RALY: variants seen among roughly 807,000 people sequenced by gnomAD.
The protein encoded by RALY is RNA-binding protein Raly.
Under a neutral mutation model 30.7 loss-of-function variants are expected in RALY, and 15 were observed. The observed-to-expected ratio is 0.49, with a 90% CI of 0.33 to 0.75. The LOEUF (loss-of-function observed/expected upper bound fraction) is 0.75. Ranked by LOEUF, RALY falls within the 30% of genes least tolerant of loss-of-function variation. The pLI is 0.02. For missense variants in RALY, 339 were observed against 414.3 expected, an observed-to-expected ratio of 0.82 and a Z score of 1.58; for synonymous variants, 177 against 170.8, an observed-to-expected ratio of 1.04 and a Z score of -0.28.
intron 2 of RALY, among the ~76,000 whole-genome samples, chr20:34,040,362 G>GC (rs974256852): frequency 6.6e-6 from 1 of 152,150 alleles, no homozygotes; most frequent in Non-Finnish European, 1.5e-5. Context: ...TCCGCCAACA[G>GC]CCCTCTCAAT....
At chr20:34,028,279 C>T (rs1485321106) in intron 1 of RALY, among the ~76,000 whole-genome samples, 2 of 150,072 alleles carry the variant, frequency 1.3e-5, no homozygotes, top group East Asian at 2.0e-4. Context: ...GAGCAAGACC[C>T]TATCTTAAAA....
At chr20:33,998,145 G>A (rs1372154330) in intron 1 of RALY, among the ~76,000 whole-genome samples, 2 of 152,226 alleles carry the variant, frequency 1.3e-5, no homozygotes, top group Non-Finnish European at 2.9e-5. Flanking sequence ...TAGACCTGGT[G>A]CTACGCTTAG....
At chr20:34,078,454 T>C (rs1428162748) in intron 8 of RALY, 51 bp from the exon 9 acceptor site, 1 of 1,495,538 alleles carries the variant, frequency 6.7e-7, no homozygotes, top group South Asian at 1.4e-5. Context: ...AGGGCAGGAC[T>C]CAGAGCTGGC....
chr20:34,012,985 G>A (rs900824714), intron 1 of RALY, among the ~76,000 whole-genome samples: 8 of 152,118 alleles, frequency 5.3e-5, no homozygotes, highest in African/African-American at 1.9e-4. Flanking sequence ...CAGTAGAAAC[G>A]GTACTTGGAC....
chr20:34,023,735 C>T (rs1568661374), intron 1 of RALY, among the ~76,000 whole-genome samples: 1 of 152,102 alleles, frequency 6.6e-6, no homozygotes, highest in Non-Finnish European at 1.5e-5. Flanking sequence ...AAGAGCCCCA[C>T]AGTCAGTCTA....
At chr20:34,006,032 G>C (rs1440836061) in intron 1 of RALY, among the ~76,000 whole-genome samples, 1 of 152,194 alleles carries the variant, frequency 6.6e-6, no homozygotes. Flanking sequence ...TGTCAATTAT[G>C]AATAAAGATG....
rs988460518 is a variant in RALY at position 34,065,034 on chromosome 20, TA to T, written c.-9-7026del. ...TCCTTTGTTACTAAGAAATCGTTTT[TA>T]AAAAACAGGTTCCCAGAGAGGGGGC... On this transcript the variant is annotated intron_variant, in intron 2 of 9. Transcript: ENST00000246194. The T allele has an allele frequency of 2.0e-5, 3 of 152,174 alleles. No homozygotes were observed. The East Asian group carries it at 5.8e-4, about 29-fold the overall frequency. 9.4% of individuals were successfully genotyped at this position (152,174 alleles called of 1,614,324 possible). A position where few individuals can be genotyped will look rare whatever the true frequency, so the allele number is the denominator to read the frequency against.
rs1053244008 is a variant in RALY at position 34,081,546 on chromosome 20, C to G, written c.*1641C>G. On this transcript the variant is annotated 3_prime_UTR_variant, in exon 10 of 10. Coordinates refer to ENST00000246194, the MANE Select transcript of RALY (RefSeq NM_016732.3). ...TCAAAGTTTGCAGATCTGCTGGAAT[C>G]CTTATTGAAAACTCCCCATTTCAAA... 5.9e-5 allele frequency: 9 copies of G among 152,212 alleles called. No individual in the cohort carries two copies. Among genetic ancestry groups the G allele is most frequent in the African/African-American group, 2.2e-4 (9 of 41,426 alleles). 9.4% of individuals were successfully genotyped at this position (152,212 alleles called of 1,614,324 possible). A position where few individuals can be genotyped will look rare whatever the true frequency, so the allele number is the denominator to read the frequency against.
At chr20:33,994,435 G>C (rs1160236215) in intron 1 of RALY, 1 of 152,368 alleles carries the variant, frequency 6.6e-6, no homozygotes. Context: ...GCCCGCGCCC[G>C]CTCGGAAGTT....
intron 1 of RALY, among the ~76,000 whole-genome samples, chr20:33,999,161 T>A (rs1026852501): frequency 6.7e-6 from 1 of 148,970 alleles, no homozygotes; most frequent in Non-Finnish European, 1.5e-5. Context: ...AAAGGTGGAA[T>A]TGAGTGATGA....
intron 2 of RALY, among the ~76,000 whole-genome samples, chr20:34,052,884 C>T (rs770862370): frequency 6.6e-6 from 1 of 152,166 alleles, no homozygotes; most frequent in Admixed American, 6.5e-5. Context: ...GTTTCTGCTC[C>T]TCTGTCACCG....
At chr20:34,056,418 C>T (rs2033245041) in intron 2 of RALY, among the ~76,000 whole-genome samples, 1 of 152,138 alleles carries the variant, frequency 6.6e-6, no homozygotes, top group African/African-American at 2.4e-5. Context: ...TGTCATAGAC[C>T]TCATCAAGAT....
At chr20:34,019,828 G>A (rs904858893) in intron 1 of RALY, among the ~76,000 whole-genome samples, 5 of 152,118 alleles carry the variant, frequency 3.3e-5, no homozygotes, top group African/African-American at 7.2e-5. Flanking sequence ...TTGGGAGGCC[G>A]AGGCGGGCGG....
intron 3 of RALY, 129 bp downstream of exon 3, chr20:34,072,459 A>T: frequency 7.9e-7 from 1 of 1,267,282 alleles, no homozygotes; most frequent in Non-Finnish European, 1.1e-6. Flanking sequence ...TTTATAAGCT[A>T]TGTTTAAGTT....
At chr20:34,008,665 G>GT (rs2031268486) in intron 1 of RALY, among the ~76,000 whole-genome samples, 2 of 152,108 alleles carry the variant, frequency 1.3e-5, no homozygotes, top group Non-Finnish European at 2.9e-5. Flanking sequence ...TGGTGTCATT[G>GT]TTTTTTAAAT....
At chr20:34,041,798 A>G (rs1209736156) in intron 2 of RALY, among the ~76,000 whole-genome samples, 2 of 152,072 alleles carry the variant, frequency 1.3e-5, no homozygotes, top group Non-Finnish European at 1.5e-5. Context: ...TTTTTAAAAC[A>G]TGTAACATCC....
intron 1 of RALY, among the ~76,000 whole-genome samples, chr20:34,004,477 T>G (rs1460855463): frequency 6.6e-6 from 1 of 152,200 alleles, no homozygotes; most frequent in African/African-American, 2.4e-5. Context: ...GAGAACATTC[T>G]GTGCAATGGG....
intron 1 of RALY, among the ~76,000 whole-genome samples, chr20:34,012,749 G>A (rs140882987): frequency 2.0e-5 from 3 of 152,262 alleles, no homozygotes; most frequent in Non-Finnish European, 4.4e-5. Context: ...CTAAACTCTG[G>A]CCTTGGCCGC....
intron 1 of RALY, among the ~76,000 whole-genome samples, chr20:34,006,516 G>A (rs551689257): frequency 6.6e-6 from 1 of 152,310 alleles, no homozygotes; most frequent in African/African-American, 2.4e-5. Flanking sequence ...TGGTTCTTAA[G>A]TCTTCAAGTC....
Sources: gnomAD v4.1 joint callset for allele counts (sites outside exome capture counted in the v4.1 genomes callset) on GRCh38, gnomAD v4.1.1 for gene constraint, MANE v1.5 for transcripts, NCBI Gene and HGNC (gene_info 2026-07-23, HGNC 2026-07-21) for gene names.